Variants in MAGI1 observed in about 807,000 individuals in gnomAD.
MAGI1 encodes the protein membrane-associated guanylate kinase, WW and PDZ domain-containing protein 1.
In MAGI1, 58 loss-of-function variants were observed where a neutral mutation model predicts 139.9. The ratio of observed to expected loss-of-function variants is 0.41; its 90% CI spans 0.34 to 0.52. The LOEUF (loss-of-function observed/expected upper bound fraction) is 0.52. Ranked by LOEUF, MAGI1 falls within the 20% of genes least tolerant of loss-of-function variation. The probability of loss-of-function intolerance (pLI) is 0.12; values close to 1 mark genes in which losing one functional copy is unlikely to be tolerated. For synonymous variants in MAGI1, 812 were observed against 737.9 expected (o/e 1.10, Z -1.63); for missense variants, 1,874 against 1,901.6 (o/e 0.99, Z 0.27).
chr3:65,933,542 T>C (rs2062902483), intron 1 of MAGI1, among the ~76,000 whole-genome samples: 1 of 152,138 alleles, frequency 6.6e-6, no homozygotes, highest in Non-Finnish European at 1.5e-5. Flanking sequence ...TTGGGAACAA[T>C]ACTGTGCCAT....
At chr3:65,652,207 CACTGTAA>C (rs1362226147) in intron 1 of MAGI1, among the ~76,000 whole-genome samples, 1 of 152,114 alleles carries the variant, frequency 6.6e-6, no homozygotes. Context: ...AATAATTCAA[CACTGTAA>C]AAATTTTTGT....
chr3:65,410,080 A>G (rs558954352), intron 12 of MAGI1, among the ~76,000 whole-genome samples: 1 of 152,324 alleles, frequency 6.6e-6, no homozygotes, highest in Non-Finnish European at 1.5e-5. Flanking sequence ...AGAAAGACCT[A>G]AAGTCATAAA....
chr3:65,572,936 A>G (rs533311190), intron 2 of MAGI1, among the ~76,000 whole-genome samples: 1 of 151,990 alleles, frequency 6.6e-6, no homozygotes, highest in South Asian at 2.1e-4. Flanking sequence ...GTTTCTCTCC[A>G]ACATTTACAT....
At chr3:65,443,248 C>T (rs1384466799) in intron 7 of MAGI1, among the ~76,000 whole-genome samples, 2 of 152,140 alleles carry the variant, frequency 1.3e-5, no homozygotes, top group Non-Finnish European at 2.9e-5. Flanking sequence ...ATTAATGTTT[C>T]ATTTTCAGTA....
chr3:65,941,157 C>A, intron 1 of MAGI1, among the ~76,000 whole-genome samples: 1 of 151,960 alleles, frequency 6.6e-6, no homozygotes, highest in Non-Finnish European at 1.5e-5. Flanking sequence ...ACCAGCCTGG[C>A]CAACATGGTG....
intron 4 of MAGI1, among the ~76,000 whole-genome samples, chr3:65,471,457 G>A (rs562910548): frequency 1.3e-5 from 2 of 152,292 alleles, no homozygotes; most frequent in South Asian, 4.1e-4. Flanking sequence ...CTGATGAGAA[G>A]CTCCCAATGA....
intron 12 of MAGI1, among the ~76,000 whole-genome samples, chr3:65,418,470 A>G (rs1456092913): frequency 6.6e-6 from 1 of 152,196 alleles, no homozygotes; most frequent in Non-Finnish European, 1.5e-5. Context: ...GGGAAAAAGA[A>G]TGATCAAATC....
intron 1 of MAGI1, among the ~76,000 whole-genome samples, chr3:65,634,178 C>T (rs1034807473): frequency 2.0e-5 from 3 of 152,084 alleles, no homozygotes; most frequent in Admixed American, 6.6e-5. Flanking sequence ...GACTCAAATC[C>T]GGGGGAGTAT....
At chr3:65,376,828 T>C (rs551349538) in intron 17 of MAGI1, among the ~76,000 whole-genome samples, 42 of 152,272 alleles carry the variant, frequency 2.8e-4, no homozygotes, top group African/African-American at 9.4e-4. Context: ...GTTACCCATA[T>C]CAAAGACCGA....
At chr3:65,904,890 C>A (rs762749076) in intron 1 of MAGI1, among the ~76,000 whole-genome samples, 1 of 152,132 alleles carries the variant, frequency 6.6e-6, no homozygotes, top group South Asian at 2.1e-4. Context: ...TGCCCATCCC[C>A]TCTTTGGACA....
At chr3:65,851,477 G>A (rs1012032180) in intron 1 of MAGI1, among the ~76,000 whole-genome samples, 5 of 152,090 alleles carry the variant, frequency 3.3e-5, no homozygotes, top group African/African-American at 7.2e-5. Flanking sequence ...TGCCAGGCGC[G>A]GTGGCTCACG....
chr3:65,722,149 A>C (rs534707420), intron 1 of MAGI1, among the ~76,000 whole-genome samples: 8 of 152,170 alleles, frequency 5.3e-5, no homozygotes, highest in Non-Finnish European at 8.8e-5. Flanking sequence ...TTCGTGCAGC[A>C]GTCTTGAGAG....
intron 1 of MAGI1, among the ~76,000 whole-genome samples, chr3:66,010,319 T>G (rs2107499653): frequency 6.6e-6 from 1 of 152,224 alleles, no homozygotes; most frequent in East Asian, 1.9e-4. Context: ...TGTGGTGCCT[T>G]GGCCACTCCT....
chr3:65,963,494 T>C (rs1198995277), intron 1 of MAGI1, among the ~76,000 whole-genome samples: 1 of 152,046 alleles, frequency 6.6e-6, no homozygotes, highest in African/African-American at 2.4e-5. Flanking sequence ...CATGCGCCTA[T>C]AGTCCCAGCT....
chr3:65,376,071 A>C (rs1942490767), intron 17 of MAGI1, 126 bp from the exon 18 acceptor site: 4 of 691,734 alleles, frequency 5.8e-6, no homozygotes, highest in Non-Finnish European at 9.7e-6. Context: ...AGCAAATGTT[A>C]TTAAAGGAGA....
At chr3:65,831,512 A>G (rs532214973) in intron 1 of MAGI1, among the ~76,000 whole-genome samples, 15 of 152,318 alleles carry the variant, frequency 9.8e-5, no homozygotes, top group African/African-American at 3.4e-4. Context: ...CCACTCTTCC[A>G]AAGTACACAA....
At chr3:65,713,106 G>A (rs967942236) in intron 1 of MAGI1, among the ~76,000 whole-genome samples, 1 of 152,100 alleles carries the variant, frequency 6.6e-6, no homozygotes, top group African/African-American at 2.4e-5. Context: ...TAGCTTTCCA[G>A]GCCCCATTCC....
At chr3:65,470,169 C>T in intron 5 of MAGI1, 114 bp downstream of exon 5, 16 of 642,712 alleles carry the variant, frequency 2.5e-5, no homozygotes, top group South Asian at 1.3e-4. Context: ...TAAAAAATAC[C>T]ATCAGTGGGT....
At chr3:65,799,933 C>A (rs2040409243) in intron 1 of MAGI1, among the ~76,000 whole-genome samples, 1 of 152,092 alleles carries the variant, frequency 6.6e-6, no homozygotes, top group Non-Finnish European at 1.5e-5. Flanking sequence ...ATAAAACAAG[C>A]AAGCATATTA....
Sources: allele counts gnomAD v4.1 joint callset (sites outside exome capture counted in the v4.1 genomes callset), GRCh38; gene constraint gnomAD v4.1.1; transcripts MANE v1.5; gene names NCBI Gene and HGNC (gene_info 2026-07-23, HGNC 2026-07-21).